Variants in FRMPD4 observed in about 807,000 individuals in gnomAD.
FRMPD4 encodes the protein FERM and PDZ domain-containing protein 4.
In FRMPD4, 22 loss-of-function variants were observed where a neutral mutation model predicts 94.1. That is an observed-to-expected ratio of 0.23 (90% CI 0.17 to 0.33). FRMPD4 has a LOEUF of 0.33. Among genes scored for constraint, FRMPD4 ranks in the 10% least tolerant of loss-of-function variants. FRMPD4 has a pLI of 1.00. For missense variants in FRMPD4, 1,111 were observed against 1,339.9 expected (o/e 0.83, Z 2.67); for synonymous variants, 631 against 548.6 (o/e 1.15, Z -2.10).
rs968049588 is a variant in FRMPD4 at position 11,831,593 on chromosome X, T to C, written c.-161+8878T>C. On this transcript the variant is annotated intron_variant, in intron 1 of 18. Coordinates refer to the FRMPD4 transcript ENST00000640291. ...GTTCATCAGCATATGAGTATAGATA[T>C]AGCCATGGGACTGGATAGATTACCC... Among the ~76,000 whole-genome samples, 18 of 111,464 alleles carry C rather than the reference T, an allele frequency of 1.6e-4. 1 individual carries two copies. Among genetic ancestry groups the C allele is most frequent in the Admixed American group, 5.7e-4 (6 of 10,471 alleles).
intron 3 of FRMPD4, among the ~76,000 whole-genome samples, chrX:11,974,373 C>T (rs1008517982): frequency 1.8e-5 from 2 of 111,875 alleles, no homozygotes; most frequent in Admixed American, 1.9e-4. Context: ...GTGATTTTTG[C>T]ACATGTCTGT....
intron 1 of FRMPD4, among the ~76,000 whole-genome samples, chrX:12,216,871 T>C (rs2056812868): frequency 8.9e-6 from 1 of 112,147 alleles, no homozygotes; most frequent in Non-Finnish European, 1.9e-5. Context: ...TTTGCTTGCT[T>C]GTTCTTCTGA....
At chrX:12,310,350 C>T (rs1315843522) in intron 1 of FRMPD4, among the ~76,000 whole-genome samples, 1 of 110,657 alleles carries the variant, frequency 9.0e-6, no homozygotes, top group South Asian at 3.9e-4. Context: ...GGTGGAATGT[C>T]ATCAGTTAAG....
At chrX:12,133,279 C>G (rs915450785) in intron 3 of FRMPD4, among the ~76,000 whole-genome samples, 1 of 107,543 alleles carries the variant, frequency 9.3e-6, no homozygotes, top group Non-Finnish European at 1.9e-5. Flanking sequence ...ACTATGTTAC[C>G]CAGGCTGGTC....
At chrX:11,980,850 C>T (rs1291744151) in intron 3 of FRMPD4, among the ~76,000 whole-genome samples, 1 of 111,706 alleles carries the variant, frequency 9.0e-6, no homozygotes, top group African/African-American at 3.2e-5. Flanking sequence ...TCACAACTTC[C>T]AGACATGGTT....
At position 12,381,923 on chromosome X, in the gene FRMPD4, G is replaced by A. The variant is rs185695975; in HGVS notation, c.42-116757G>A. Among the ~76,000 whole-genome samples the A allele has an allele frequency of 2.7e-4, 30 of 111,658 alleles. No individual in the cohort carries two copies. The East Asian group carries it at 7.9e-3, about 29-fold the overall frequency. On this transcript the variant is annotated intron_variant, in intron 1 of 16. Coordinates refer to ENST00000675598, the MANE Select transcript of FRMPD4 (RefSeq NM_001368397.1). ...CAGAGGAAGGCAACATAGAAACAGA[G>A]CCACAGGGGAGAGTGGACCAGGCTT...
chrX:12,502,458 G>A (rs1230845394), intron 2 of FRMPD4, among the ~76,000 whole-genome samples: 3 of 111,314 alleles, frequency 2.7e-5, no homozygotes, highest in African/African-American at 6.5e-5. Flanking sequence ...AAAGGAAAGA[G>A]TCATGGGAGA....
At chrX:12,008,448 G>T (rs936744597) in intron 3 of FRMPD4, among the ~76,000 whole-genome samples, 7 of 112,359 alleles carry the variant, frequency 6.2e-5, no homozygotes, top group South Asian at 7.4e-4. Flanking sequence ...AGCACCAGAG[G>T]AATTGGGCTA....
intron 1 of FRMPD4, among the ~76,000 whole-genome samples, chrX:12,225,314 T>G (rs1470660935): frequency 8.9e-6 from 1 of 112,004 alleles, no homozygotes; most frequent in African/African-American, 3.2e-5. Context: ...AAGTGAACAC[T>G]AATGTCCCCA....
rs1222832391 is a variant in FRMPD4, at chrX:12,273,905, AG to A, written c.41+134897del. 7.1e-5 allele frequency among the ~76,000 whole-genome samples: 8 copies of A among 112,251 alleles called. No individual in the cohort carries two copies. The East Asian group carries it at 2.2e-3, about 31-fold the overall frequency. ...TCACTTTCACTTTGTTTTCTTCCAC[AG>A]GGGTGACATTATTTCCATGCTGTTA... On this transcript the variant is annotated intron_variant, in intron 1 of 16. Coordinates refer to ENST00000675598, the MANE Select transcript of FRMPD4 (RefSeq NM_001368397.1).
intron 1 of FRMPD4, among the ~76,000 whole-genome samples, chrX:11,844,072 C>T (rs1416560429): frequency 2.0e-5 from 2 of 101,551 alleles, no homozygotes; most frequent in African/African-American, 7.3e-5. Context: ...ACTACAACCT[C>T]TGCCTCCCAA....
intron 1 of FRMPD4, among the ~76,000 whole-genome samples, chrX:12,475,729 C>T (rs369185388): frequency 4.3e-4 from 48 of 111,529 alleles, no homozygotes; most frequent in African/African-American, 1.3e-3. Flanking sequence ...TCAAAGAGAA[C>T]AAAATACCTA....
chrX:12,019,856 G>A (rs1031755332), intron 3 of FRMPD4, among the ~76,000 whole-genome samples: 1 of 111,704 alleles, frequency 9.0e-6, no homozygotes, highest in Non-Finnish European at 1.9e-5. Flanking sequence ...TAATGATGAC[G>A]ATAACATTTT....
At chrX:12,600,765 A>G (rs1049090129) in intron 2 of FRMPD4, among the ~76,000 whole-genome samples, 3 of 112,238 alleles carry the variant, frequency 2.7e-5, no homozygotes, top group African/African-American at 9.7e-5. Flanking sequence ...AGTCAAAGCT[A>G]CTACTCCATT....
chrX:12,146,466 A>G (rs1456295660), intron 1 of FRMPD4, among the ~76,000 whole-genome samples: 2 of 104,226 alleles, frequency 1.9e-5, no homozygotes, highest in African/African-American at 6.7e-5. Context: ...ACACGTGTAT[A>G]CACACACATA....
chrX:12,186,453 A>T, intron 1 of FRMPD4, among the ~76,000 whole-genome samples: 1 of 111,694 alleles, frequency 9.0e-6, no homozygotes, highest in African/African-American at 3.2e-5. Context: ...CAAAATACTC[A>T]TTGGTGTTGT....
At chrX:12,108,609 A>G (rs961022384) in intron 3 of FRMPD4, among the ~76,000 whole-genome samples, 2 of 112,200 alleles carry the variant, frequency 1.8e-5, no homozygotes, top group African/African-American at 6.5e-5. Flanking sequence ...AAATGCTCCA[A>G]TTAAAAGACA....
intron 1 of FRMPD4, among the ~76,000 whole-genome samples, chrX:12,401,432 G>C (rs1238127993): frequency 9.0e-6 from 1 of 110,888 alleles, no homozygotes; most frequent in Non-Finnish European, 1.9e-5. Flanking sequence ...GGAAGGTTGA[G>C]TGAGGACAGT....
intron 3 of FRMPD4, among the ~76,000 whole-genome samples, chrX:11,930,473 A>AAGATAGAGGCAG (rs201055939): frequency 9.1e-6 from 1 of 109,869 alleles, no homozygotes; most frequent in Non-Finnish European, 1.9e-5. Context: ...TGGTCATGTG[A>AAGATAGAGGCAG]AGACTGTAGA....
Sources: allele counts gnomAD v4.1 joint callset (sites outside exome capture counted in the v4.1 genomes callset), GRCh38; gene constraint gnomAD v4.1.1; transcripts MANE v1.5; gene names NCBI Gene and HGNC (gene_info 2026-07-23, HGNC 2026-07-21).